Variants in NAALADL2 observed in about 807,000 individuals in gnomAD.
NAALADL2 encodes N-acetylated alpha-linked acidic dipeptidase like 2, also known as inactive N-acetylated-alpha-linked acidic dipeptidase-like protein 2.
A neutral mutation model predicts 87.2 loss-of-function variants in NAALADL2; 76 were observed. The ratio of observed to expected loss-of-function variants is 0.87; its 90% confidence interval spans 0.72 to 1.05. NAALADL2 has a LOEUF of 1.05. NAALADL2 is among the 50% of genes least tolerant of loss of function. The probability of loss-of-function intolerance (pLI) is 0.00; values close to 1 mark genes in which losing one functional copy is unlikely to be tolerated. For missense variants in NAALADL2, 1,089 were observed against 945.8 expected (o/e 1.15, Z -1.99); for synonymous variants, 354 against 331.0 (o/e 1.07, Z -0.75).
chr3:175,027,616 T>C (rs140352885), intron 1 of NAALADL2, among the ~76,000 whole-genome samples: 73 of 152,266 alleles, frequency 4.8e-4, no homozygotes, highest in African/African-American at 1.7e-3. Context: ...CGAATTCTTT[T>C]ATTTCACAAT....
intron 3 of NAALADL2, among the ~76,000 whole-genome samples, chr3:174,840,334 C>T (rs3849516): frequency 0.18 from 27,563 of 151,652 alleles, 2,797 homozygotes; most frequent in East Asian, 0.44. Flanking sequence ...CTTATGAATC[C>T]GGCATATCTA....
At chr3:174,909,654 G>A (rs913295980) in intron 1 of NAALADL2, among the ~76,000 whole-genome samples, 3 of 152,028 alleles carry the variant, frequency 2.0e-5, no homozygotes, top group African/African-American at 7.3e-5. Context: ...TCAAATACTG[G>A]CTCTGTCACG....
intron 9 of NAALADL2, among the ~76,000 whole-genome samples, chr3:175,506,650 G>GCA (rs1213399319): frequency 2.0e-5 from 3 of 152,092 alleles, no homozygotes; most frequent in African/African-American, 7.2e-5. Flanking sequence ...AAAAGTTACA[G>GCA]GAAAGACTTA....
intron 9 of NAALADL2, among the ~76,000 whole-genome samples, chr3:175,522,184 T>A (rs181838390): frequency 2.6e-5 from 4 of 152,208 alleles, no homozygotes; most frequent in Non-Finnish European, 4.4e-5. Context: ...TATTCTCTTC[T>A]AAGCACATTA....
At chr3:175,232,482 C>G (rs1745130305) in intron 2 of NAALADL2, among the ~76,000 whole-genome samples, 1 of 152,140 alleles carries the variant, frequency 6.6e-6, no homozygotes, top group African/African-American at 2.4e-5. Context: ...AATCATTTAG[C>G]TTTTCTGAGA....
intron 2 of NAALADL2, among the ~76,000 whole-genome samples, chr3:174,716,532 A>G (rs1171630915): frequency 6.6e-6 from 1 of 152,124 alleles, no homozygotes; most frequent in Non-Finnish European, 1.5e-5. Flanking sequence ...ATATATAGCA[A>G]CTAAAATTTA....
intron 1 of NAALADL2, among the ~76,000 whole-genome samples, chr3:174,539,977 GAAAAAAAAAAAAAAA>G (rs57394560): frequency 2.0e-5 from 1 of 51,178 alleles, no homozygotes; most frequent in African/African-American, 6.3e-5. Context: ...GGAAGTTCTG[GAAAAAAAAAAAAAAA>G]AAAAAAAAAA....
chr3:174,695,944 G>T (rs144284806), intron 2 of NAALADL2, among the ~76,000 whole-genome samples: 14 of 152,118 alleles, frequency 9.2e-5, no homozygotes, highest in African/African-American at 3.4e-4. Context: ...TTGACATTCA[G>T]TGATCCTGGT....
chr3:174,958,887 G>GT (rs1271150573), intron 1 of NAALADL2, among the ~76,000 whole-genome samples: 1 of 152,004 alleles, frequency 6.6e-6, no homozygotes, highest in Admixed American at 6.6e-5. Context: ...TATTAGGTTT[G>GT]TTTTATGAGG....
Position 175,133,590 on chromosome 3 carries a change from C to T in NAALADL2, c.545+36299C>T, listed in dbSNP as rs185526410. ...TACGAAAACCAGTCAGGCGTGGCGGCGCGCGCCTGCAATCGCAGGCACTCG... is the reference window on the plus strand; with the variant it reads ...TACGAAAACCAGTCAGGCGTGGCGGTGCGCGCCTGCAATCGCAGGCACTCG... On this transcript the variant is annotated intron_variant, in intron 2 of 13. Transcript: ENST00000454872. Among the ~76,000 whole-genome samples, 601 of 152,140 alleles carry T rather than the reference C, an allele frequency of 4.0e-3. 5 individuals carry two copies. Among genetic ancestry groups the T allele is most frequent in the African/African-American group, 0.013 (550 of 41,546 alleles).
chr3:174,601,014 A>G (rs1217264848), intron 2 of NAALADL2, among the ~76,000 whole-genome samples: 1 of 152,182 alleles, frequency 6.6e-6, no homozygotes, highest in Non-Finnish European at 1.5e-5. Context: ...CATAATAATC[A>G]CATCAGGGTA....
At chr3:175,403,980 A>G (rs10804856) in intron 5 of NAALADL2, among the ~76,000 whole-genome samples, 17,645 of 152,134 alleles carry the variant, frequency 0.12, 1,136 homozygotes, top group Middle Eastern at 0.24. Flanking sequence ...AAAAGAGCCT[A>G]TAGTTTTACA....
chr3:175,053,914 C>A (rs73038451), intron 1 of NAALADL2, among the ~76,000 whole-genome samples: 24,455 of 152,176 alleles, frequency 0.16, 2,408 homozygotes, highest in African/African-American at 0.27. Context: ...GGCAATCAGC[C>A]ATTTGATTCC....
intron 3 of NAALADL2, among the ~76,000 whole-genome samples, chr3:174,826,364 A>G (rs1721996206): frequency 6.6e-6 from 1 of 152,188 alleles, no homozygotes; most frequent in South Asian, 2.1e-4. Flanking sequence ...GACCTCAGAC[A>G]AGTTTCTTTT....
intron 2 of NAALADL2, among the ~76,000 whole-genome samples, chr3:175,199,938 G>GA (rs1328966321): frequency 7.7e-6 from 1 of 129,748 alleles, no homozygotes; most frequent in Non-Finnish European, 1.6e-5. Flanking sequence ...GAGACTGTGG[G>GA]AAAAATAATA....
intron 3 of NAALADL2, among the ~76,000 whole-genome samples, chr3:174,789,950 C>T (rs959140254): frequency 3.3e-5 from 5 of 152,154 alleles, no homozygotes; most frequent in African/African-American, 4.8e-5. Context: ...GCCAACAGGG[C>T]GTTATCATGC....
chr3:174,659,733 T>A (rs1265080817), intron 2 of NAALADL2, among the ~76,000 whole-genome samples: 1 of 152,200 alleles, frequency 6.6e-6, no homozygotes, highest in African/African-American at 2.4e-5. Context: ...CCTGGGGCTA[T>A]GTCTGATAAA....
chr3:174,802,546 A>G (rs1039925555), intron 3 of NAALADL2, among the ~76,000 whole-genome samples: 13 of 152,264 alleles, frequency 8.5e-5, no homozygotes, highest in Middle Eastern at 3.4e-3. Context: ...AGTTTGTTAC[A>G]TAGGTATACA....
At chr3:175,529,438 G>A (rs1352066280) in intron 9 of NAALADL2, among the ~76,000 whole-genome samples, 1 of 152,160 alleles carries the variant, frequency 6.6e-6, no homozygotes, top group African/African-American at 2.4e-5. Flanking sequence ...AGGGGTGATG[G>A]TGAGTGGTGC....
Sources: gnomAD v4.1 joint callset for allele counts (sites outside exome capture counted in the v4.1 genomes callset) on GRCh38, gnomAD v4.1.1 for gene constraint, MANE v1.5 for transcripts, NCBI Gene and HGNC (gene_info 2026-07-23, HGNC 2026-07-21) for gene names.